SFPQ: variants seen among roughly 807,000 people sequenced by gnomAD.
SFPQ encodes splicing factor, proline- and glutamine-rich.
Under a neutral mutation model 72.9 loss-of-function variants are expected in SFPQ, and 11 were observed. The ratio of observed to expected loss-of-function variants is 0.15; its 90% CI spans 0.09 to 0.25. SFPQ has a LOEUF of 0.25. SFPQ is among the 10% of genes least tolerant of loss of function. The pLI, the probability that SFPQ is intolerant of heterozygous loss-of-function variation, is 1.00. For missense variants in SFPQ, 847 were observed against 993.3 expected (o/e 0.85, Z 1.98); for synonymous variants, 506 against 367.3 (o/e 1.38, Z -4.32).
intron 9 of SFPQ, among the ~76,000 whole-genome samples, 186 bp from the exon 10 acceptor site, chr1:35,184,779 T>C (rs1557793412): frequency 6.6e-6 from 1 of 152,252 alleles, no homozygotes; most frequent in Non-Finnish European, 1.5e-5. Flanking sequence ...ATACATGCCT[T>C]GTGGTATGTT....
At chr1:35,177,945 A>G (rs1027196577), downstream of SFPQ, 28 of 954,992 alleles carry the variant, frequency 2.9e-5, no homozygotes, top group Non-Finnish European at 3.8e-5. Context: ...ATTTAAATCA[A>G]ACTCAAAAGC....
intron 7 of SFPQ, 26 bp from the exon 8 acceptor site, chr1:35,187,277 A>T: frequency 6.2e-7 from 1 of 1,607,742 alleles, no homozygotes; most frequent in Non-Finnish European, 8.5e-7. Context: ...TCCTTTCAAT[A>T]TACCTGCACT....
At position 35,184,298 on chromosome 1, in the gene SFPQ, T is replaced by C. The variant is rs960271785; in HGVS notation, c.*158A>G. ...CTCCTGTTCCAAACACTGCATTACA[T>C]AATTTTACCTGCCCAAACAGACCAT... On this transcript the variant is annotated 3_prime_UTR_variant, in exon 10 of 10. Coordinates refer to ENST00000357214, the MANE Select transcript of SFPQ (RefSeq NM_005066.3). 41 of 1,433,818 alleles carry C rather than the reference T, an allele frequency of 2.9e-5. No individual in the cohort carries two copies. In the South Asian group the frequency reaches 6.0e-4, roughly 21 times the overall value. The allele number at this position is 1,433,818 out of a possible 1,614,324, so 88.8% of individuals were successfully genotyped here.
intron 4 of SFPQ, 71 bp from the exon 5 acceptor site, chr1:35,189,453 G>A: frequency 2.5e-6 from 3 of 1,217,854 alleles, no homozygotes; most frequent in East Asian, 2.4e-5. Flanking sequence ...CCCTAGTACT[G>A]ATCTTTTTCC....
At chr1:35,178,971 T>C (rs537175106), downstream of SFPQ, 1 of 1,056,148 alleles carries the variant, frequency 9.5e-7, no homozygotes. Context: ...ACTGTTGAGA[T>C]TTCCAGTTGA....
chr1:35,190,036 G>A (rs576683948), intron 4 of SFPQ, among the ~76,000 whole-genome samples: 8 of 152,160 alleles, frequency 5.3e-5, no homozygotes, highest in Admixed American at 2.6e-4. Flanking sequence ...CGAGGTGGGC[G>A]ACTCACCTGA....
At chr1:35,178,616 T>TA, downstream of SFPQ, 2 of 1,056,862 alleles carry the variant, frequency 1.9e-6, no homozygotes, top group Non-Finnish European at 2.3e-6. Context: ...AGCTATGCCT[T>TA]ACTGGGACAG....
chr1:35,177,919 A>G lies in SFPQ; in HGVS notation c.*24+70T>C, dbSNP rs72908963. The G allele has an allele frequency of 1.8e-3, 1,169 of 658,420 alleles. 14 individuals carry two copies. The African/African-American group carries it at 0.021, about 12-fold the overall frequency. 40.8% of individuals were successfully genotyped at this position (658,420 alleles called of 1,614,324 possible). Reference sequence around the variant, plus strand: ...CTCAAATATCGAAGTTTCACTCCACATATCTAAATGAAATTATTTAAATCA... The same window carrying G: ...CTCAAATATCGAAGTTTCACTCCACGTATCTAAATGAAATTATTTAAATCA... On this transcript the variant is annotated intron_variant and NMD_transcript_variant, in intron 4 of 5. Transcript: ENST00000460428.
downstream of SFPQ, chr1:35,181,188 G>A: frequency 9.4e-7 from 1 of 1,065,376 alleles, no homozygotes; most frequent in Non-Finnish European, 1.1e-6. Context: ...CTACATCCGG[G>A]TCCTAATGTC....
intron 4 of SFPQ, 104 bp from the exon 5 acceptor site, chr1:35,189,486 A>G: frequency 1.1e-6 from 1 of 886,812 alleles, no homozygotes; most frequent in Non-Finnish European, 1.7e-6. Flanking sequence ...TGTAAAGAGT[A>G]CAAAAGGCAA....
At chr1:35,178,056 A>G (rs1639319450), downstream of SFPQ, 4 of 1,282,298 alleles carry the variant, frequency 3.1e-6, no homozygotes, top group South Asian at 5.5e-5. Context: ...AATAAGAAAA[A>G]GTTAATATAA....
At chr1:35,192,071 A>ACGGCCCCGCAGGCCGC (rs1553154267) in intron 1 of SFPQ, 151 bp downstream of exon 1, 1 of 474,906 alleles carries the variant, frequency 2.1e-6, no homozygotes, top group Non-Finnish European at 3.2e-6. Context: ...CCGCCGACCG[A>ACGGCCCCGCAGGCCGC]CGGCCCCGCA....
At chr1:35,182,297 C>T (rs1639502136), downstream of SFPQ, 1 of 984,992 alleles carries the variant, frequency 1.0e-6, no homozygotes, top group African/African-American at 1.7e-5. Context: ...TAATCAAGAC[C>T]CTTGTTTCCG....
chr1:35,189,235 A>C lies in SFPQ; in HGVS notation c.1563T>G (p.Ser521Arg). ...NMKDAKDKLE[S>R]EMEDAYHEHQ... is the part of the protein sequence containing the mutation. Reference sequence around the variant, plus strand: ...GTTCATGATAGGCATCTTCCATTTCACTTTCCAATTTGTCTTTTGCATCTT... The same window carrying C: ...GTTCATGATAGGCATCTTCCATTTCCCTTTCCAATTTGTCTTTTGCATCTT... Residue 521 changes from serine to arginine, a missense_variant, in exon 5 of 10, where the codon AGT (serine) becomes AGG (arginine). Transcript: ENST00000357214. 1 of 1,613,710 alleles carries C rather than the reference A, an allele frequency of 6.2e-7. No individual in the cohort carries two copies. The highest frequency in any genetic ancestry group is 1.7e-4 in the Middle Eastern group (1 of 6,060).
chr1:35,180,340 A>G, downstream of SFPQ: 9 of 1,036,238 alleles, frequency 8.7e-6, no homozygotes, highest in Non-Finnish European at 1.0e-5. Flanking sequence ...TCTTGTAAAC[A>G]TTTTGGACTA....
Position 35,184,528 on chromosome 1 carries a change from C to A in SFPQ, c.2052G>T (p.Gly684=). The A allele has an allele frequency of 6.2e-6, 10 of 1,613,494 alleles. No individual in the cohort carries two copies. The highest frequency in any genetic ancestry group is 8.5e-6 in the Non-Finnish European group (10 of 1,179,766). The stretch of plus-strand genomic sequence containing the variant: ...TACCATATCCTGCTGGAGTTCCAGG[C>A]CCCATTCCTCTAGGACCCTGTCCAC... ...PVGGQGPRGM[G]PGTPAGYGRG... The change falls in exon 10 of 10, where the codon GGG becomes GGT. Residue 684 remains glycine (G), a synonymous_variant. Transcript: ENST00000357214.
chr1:35,193,038 A>C lies in SFPQ; in HGVS notation c.12T>G (p.Asp4Glu). The C allele has an allele frequency of 6.3e-7, 1 of 1,580,878 alleles. No individual in the cohort carries two copies. Among genetic ancestry groups the C allele is most frequent in the East Asian group, 2.3e-5 (1 of 42,860 alleles). ...CGCCACCGCCACGACTCCGGAACCG[A>C]TCCCGAGACATGTCTGTGGTCAAGG... MSRDRFRSRGGGGG... is the reference protein window; with the variant it reads MSRERFRSRGGGGG... The change falls in exon 1 of 10, where the codon GAT (aspartate) becomes GAG (glutamate). Residue 4 changes from aspartate to glutamate, a missense_variant. By Grantham distance (45) the Asp-to-Glu change is conservative. This residue lies in a region of SFPQ where 19 missense variants were observed against 43.8 expected (regional missense o/e 0.43). Transcript: ENST00000357214.
chr1:35,189,973 G>A lies in SFPQ; in HGVS notation c.1415+525C>T, dbSNP rs118105657. 2.9e-4 allele frequency among the ~76,000 whole-genome samples: 44 copies of A among 151,794 alleles called. 1 individual carries two copies. The East Asian group carries it at 7.0e-3, about 24-fold the overall frequency. ...GCTCAAAAACAAAACAAAAAAAAAC[G>A]TACTTCAGCCAGGCACGGTGCATCA... is the stretch of plus-strand genomic sequence containing the variant. On this transcript the variant is annotated intron_variant, in intron 4 of 9. Coordinates refer to ENST00000357214, the MANE Select transcript of SFPQ (RefSeq NM_005066.3).
At position 35,192,539 on chromosome 1, in the gene SFPQ, T is replaced by A; in HGVS notation, c.511A>T (p.Ser171Cys). Residue 171 changes from serine to cysteine, a missense_variant, in exon 1 of 10, where the codon AGC becomes TGC. Ser to Cys is a moderately radical substitution (Grantham distance 112). Around this residue, in one of 6 missense-constraint regions of SFPQ, gnomAD observed 498 missense variants for 405.1 expected, o/e 1.23. Coordinates refer to ENST00000357214, the MANE Select transcript of SFPQ (RefSeq NM_005066.3). ...GGAGGTGTGGTAGGGACCCCGCTGCTTGGCGGGGTGGGTGGCGGCGCCCCG... is the reference window on the plus strand; with the variant it reads ...GGAGGTGTGGTAGGGACCCCGCTGCATGGCGGGGTGGGTGGCGGCGCCCCG... ...PPGAPPPTPP[S>C]SGVPTTPPQA... The A allele has an allele frequency of 7.5e-7, 1 of 1,326,452 alleles. No homozygotes were observed. Among genetic ancestry groups the A allele is most frequent in the African/African-American group, 1.5e-5 (1 of 64,694 alleles). 82.2% of individuals were successfully genotyped at this position (1,326,452 alleles called of 1,614,324 possible).
Sources: gnomAD v4.1 joint callset for allele counts (sites outside exome capture counted in the v4.1 genomes callset) on GRCh38, gnomAD v4.1.1 for gene constraint, gnomAD v4.1.1 regional missense constraint, MANE v1.5 for transcripts, NCBI Gene and HGNC (gene_info 2026-07-23, HGNC 2026-07-21) for gene names.